Variants in AHI1 observed in about 807,000 individuals in gnomAD.
AHI1 encodes the protein Abelson helper integration site 1.
In AHI1, 123 loss-of-function variants were observed where a neutral mutation model predicts 149.3. The observed-to-expected ratio is 0.82, with a 90% confidence interval of 0.71 to 0.96. AHI1 has a LOEUF of 0.96. AHI1 is among the 40% of genes least tolerant of loss of function. The pLI, the probability that AHI1 is intolerant of heterozygous loss-of-function variation, is 0.00. For synonymous variants in AHI1, 475 were observed against 459.8 expected (o/e 1.03, Z -0.42); for missense variants, 1,439 against 1,422.7 (o/e 1.01, Z -0.18).
chr6:135,418,040 T>C (rs1021273705), intron 20 of AHI1, among the ~76,000 whole-genome samples: 1 of 151,920 alleles, frequency 6.6e-6, no homozygotes, highest in African/African-American at 2.4e-5. Flanking sequence ...TCTTTCTTCA[T>C]TTTGTCATTA....
chr6:135,458,765 A>G (rs1789386372), intron 8 of AHI1, among the ~76,000 whole-genome samples: 1 of 152,214 alleles, frequency 6.6e-6, no homozygotes, highest in Non-Finnish European at 1.5e-5. Context: ...TCCTGCTCAA[A>G]GAATTTGCCA....
chr6:135,352,732 C>T (rs1449639142), intron 24 of AHI1, among the ~76,000 whole-genome samples: 1 of 149,322 alleles, frequency 6.7e-6, no homozygotes, highest in Non-Finnish European at 1.5e-5. Flanking sequence ...CACACACACA[C>T]ACACAATATA....
Position 135,345,829 on chromosome 6 carries a change from C to A in AHI1, c.3165+12303G>T, listed in dbSNP as rs142634931. ...CCATGTGAATTATATCCAAATAAAG[C>A]TGTTATAAAAAAAGAACATCATGGA... On this transcript the variant is annotated intron_variant, in intron 24 of 28. Coordinates refer to ENST00000265602, the MANE Select transcript of AHI1 (RefSeq NM_001134831.2). Among the ~76,000 whole-genome samples the A allele has an allele frequency of 1.8e-3, 280 of 152,058 alleles. 1 individual carries two copies. The highest frequency in any genetic ancestry group is 6.6e-3 in the African/African-American group (272 of 41,490).
At chr6:135,330,023 T>C (rs1023961286) in intron 24 of AHI1, among the ~76,000 whole-genome samples, 3 of 152,234 alleles carry the variant, frequency 2.0e-5, no homozygotes, top group Non-Finnish European at 2.9e-5. Context: ...TAAAGAGTTC[T>C]TTCTTATGGA....
chr6:135,448,004 T>C (rs1787509809), intron 12 of AHI1, among the ~76,000 whole-genome samples: 1 of 152,224 alleles, frequency 6.6e-6, no homozygotes, highest in African/African-American at 2.4e-5. Context: ...TCTGGCCCTT[T>C]ACAGAAACTA....
chr6:135,363,937 G>A (rs1397691737), intron 23 of AHI1, among the ~76,000 whole-genome samples: 9 of 144,428 alleles, frequency 6.2e-5, no homozygotes, highest in South Asian at 4.4e-4. Context: ...CTGGCCGGGC[G>A]GGGGGCTGAC....
intron 5 of AHI1, among the ~76,000 whole-genome samples, chr6:135,481,661 C>T (rs1291753710): frequency 2.7e-5 from 4 of 148,430 alleles, no homozygotes; most frequent in Non-Finnish European, 4.5e-5. Context: ...ATTTGTTGTG[C>T]TCTTCTTTTT....
intron 26 of AHI1, chr6:135,301,329 G>C (rs1265930710): frequency 3.1e-6 from 3 of 962,594 alleles, no homozygotes; most frequent in Non-Finnish European, 3.7e-6. Context: ...AAATGAAACA[G>C]ATATACCATA....
At chr6:135,345,868 G>T (rs1302021020) in intron 24 of AHI1, among the ~76,000 whole-genome samples, 3 of 152,158 alleles carry the variant, frequency 2.0e-5, no homozygotes, top group Non-Finnish European at 2.9e-5. Flanking sequence ...GATTGTTAAA[G>T]GAAGTGTAGT....
intron 5 of AHI1, among the ~76,000 whole-genome samples, chr6:135,475,075 G>GT (rs1386957763): frequency 3.9e-5 from 6 of 152,014 alleles, no homozygotes; most frequent in Non-Finnish European, 7.4e-5. Context: ...TACAGATTCC[G>GT]TTTTTTTAAA....
At chr6:135,485,221 A>C (rs1794306018) in intron 5 of AHI1, among the ~76,000 whole-genome samples, 1 of 151,940 alleles carries the variant, frequency 6.6e-6, no homozygotes, top group African/African-American at 2.4e-5. Flanking sequence ...TAACAGGTAC[A>C]CAACATCATG....
intron 22 of AHI1, among the ~76,000 whole-genome samples, chr6:135,398,433 T>G (rs1329378203): frequency 6.6e-6 from 1 of 152,122 alleles, no homozygotes; most frequent in African/African-American, 2.4e-5. Flanking sequence ...CCAAACCAGT[T>G]CATTACTACT....
intron 23 of AHI1, among the ~76,000 whole-genome samples, chr6:135,358,809 T>G (rs996772921): frequency 6.6e-6 from 1 of 152,238 alleles, no homozygotes; most frequent in Non-Finnish European, 1.5e-5. Flanking sequence ...CTGCATTTCT[T>G]TGTAATAAAC....
intron 17 of AHI1, among the ~76,000 whole-genome samples, chr6:135,430,920 T>A (rs117237257): frequency 1.3e-5 from 2 of 152,080 alleles, no homozygotes; most frequent in East Asian, 3.9e-4. Context: ...ATAACATACA[T>A]CTCATTTTAG....
chr6:135,300,833 A>C, intron 26 of AHI1: 1 of 1,115,052 alleles, frequency 9.0e-7, no homozygotes, highest in Non-Finnish European at 1.1e-6. Flanking sequence ...AAAAAAAAAA[A>C]ATCAGTTGTG....
At chr6:135,374,191 G>A (rs1775558562) in intron 23 of AHI1, among the ~76,000 whole-genome samples, 1 of 141,900 alleles carries the variant, frequency 7.0e-6, no homozygotes, top group Middle Eastern at 4.3e-3. Flanking sequence ...TCGGCTTACT[G>A]CAAGCTCCAC....
At chr6:135,481,818 T>C (rs1793697392) in intron 5 of AHI1, among the ~76,000 whole-genome samples, 1 of 148,608 alleles carries the variant, frequency 6.7e-6, no homozygotes, top group Non-Finnish European at 1.5e-5. Context: ...AGACATATCT[T>C]GCAAAAATGA....
chr6:135,462,988 G>T, intron 8 of AHI1, 137 bp downstream of exon 8: 1 of 635,422 alleles, frequency 1.6e-6, no homozygotes, highest in Non-Finnish European at 2.6e-6. Context: ...TAATCTAGAT[G>T]AATTCAAGAA....
At chr6:135,360,432 C>T (rs1162336719) in intron 23 of AHI1, among the ~76,000 whole-genome samples, 1 of 152,154 alleles carries the variant, frequency 6.6e-6, no homozygotes, top group African/African-American at 2.4e-5. Context: ...CACCTGAGAG[C>T]GAGGGGATTC....
Sources: allele counts gnomAD v4.1 joint callset (sites outside exome capture counted in the v4.1 genomes callset), GRCh38; gene constraint gnomAD v4.1.1; transcripts MANE v1.5; gene names NCBI Gene and HGNC (gene_info 2026-07-23, HGNC 2026-07-21).